Variants in NCKAP5L observed in about 807,000 individuals in gnomAD.
The protein encoded by NCKAP5L is nck-associated protein 5-like.
NCKAP5L carries 54 observed loss-of-function variants against 103.2 expected under a neutral mutation model. The ratio of observed to expected loss-of-function variants is 0.52; its 90% CI spans 0.42 to 0.66. NCKAP5L has a LOEUF of 0.66. NCKAP5L is among the 30% of genes least tolerant of loss of function. The pLI, the probability that NCKAP5L is intolerant of heterozygous loss-of-function variation, is 0.00. For synonymous variants in NCKAP5L, 762 were observed against 748.6 expected, an observed-to-expected ratio of 1.02 and a Z score of -0.29; for missense variants, 1,733 against 1,750.6, an observed-to-expected ratio of 0.99 and a Z score of 0.18.
chr12:49,827,736 G>A (rs946449855), intron 1 of NCKAP5L, among the ~76,000 whole-genome samples: 4 of 152,294 alleles, frequency 2.6e-5, no homozygotes, highest in South Asian at 2.1e-4. Context: ...CCTTCCCGCA[G>A]CCCCTCAAAG....
chr12:49,803,854 G>A, intron 3 of NCKAP5L, 68 bp downstream of exon 3: 3 of 1,551,548 alleles, frequency 1.9e-6, no homozygotes, highest in Non-Finnish European at 2.6e-6. Context: ...AAGCTCAGAG[G>A]GAGGGGCAGC....
intron 1 of NCKAP5L, among the ~76,000 whole-genome samples, chr12:49,811,757 AGAGG>A (rs1236851339): frequency 1.3e-5 from 2 of 152,142 alleles, no homozygotes; most frequent in African/African-American, 4.8e-5. Flanking sequence ...TGGGCGACAA[AGAGG>A]GACCCTTTTT....
At chr12:49,827,020 G>A (rs561427293) in intron 1 of NCKAP5L, among the ~76,000 whole-genome samples, 2 of 152,298 alleles carry the variant, frequency 1.3e-5, no homozygotes, top group Admixed American at 6.5e-5. Context: ...CTAATCCCAG[G>A]TTGTTTTTAG....
intron 1 of NCKAP5L, among the ~76,000 whole-genome samples, chr12:49,820,237 C>T (rs1946345771): frequency 2.0e-5 from 3 of 151,956 alleles, no homozygotes; most frequent in Admixed American, 2.0e-4. Context: ...TGGGAGGCTG[C>T]ACCTGCACGG....
intron 1 of NCKAP5L, among the ~76,000 whole-genome samples, chr12:49,824,349 C>G (rs1021132615): frequency 1.3e-5 from 2 of 152,202 alleles, no homozygotes; most frequent in African/African-American, 2.4e-5. Flanking sequence ...TGGGGAGCAC[C>G]TTACAGCCAG....
chr12:49,796,204 C>G lies in NCKAP5L; in HGVS notation c.1656G>C (p.Val552=). ...CCAGAATGTTCTCATAGCAGGGAGA[C>G]ACCACTGGGCCTGGGGACAGCGTGG... ...LSTTLSPGPV[V]SPCYENILDL... Residue 552 remains valine, a synonymous_variant, in exon 8 of 13, where the codon GTG becomes GTC. Coordinates refer to ENST00000335999, the MANE Select transcript of NCKAP5L (RefSeq NM_001037806.4). The G allele has an allele frequency of 1.3e-6, 2 of 1,597,818 alleles. No individual in the cohort carries two copies. The highest frequency in any genetic ancestry group is 2.7e-5 in the African/African-American group (2 of 74,744).
At position 49,797,509 on chromosome 12, in the gene NCKAP5L, G is replaced by T; in HGVS notation, c.466-115C>A. 1.3e-6 allele frequency: 1 copy of T among 756,144 alleles called. No homozygotes were observed. Among genetic ancestry groups the T allele is most frequent in the Non-Finnish European group, 2.1e-6 (1 of 474,338 alleles). 46.8% of individuals were successfully genotyped at this position (756,144 alleles called of 1,614,324 possible). ...TGCCAGGAACAGAGCTGGCCTGGTT[G>T]TGTCTGTGTCCCCAAAAGGAATTAA... On this transcript the variant is annotated intron_variant, in intron 7 of 12. Transcript: ENST00000335999. This position sits in a 1 kb window ranked among gnomAD's most constrained non-coding sequence, Gnocchi z 4.5.
rs557911716 is a variant in NCKAP5L at position 49,803,828 on chromosome 12, C to T, written c.123+94G>A. The T allele has an allele frequency of 1.7e-5, 26 of 1,496,346 alleles. No homozygotes were observed. In the Admixed American group the frequency reaches 4.7e-4, roughly 27 times the overall value. 92.7% of individuals were successfully genotyped at this position (1,496,346 alleles called of 1,614,324 possible). On this transcript the variant is annotated intron_variant, in intron 3 of 12. Coordinates refer to ENST00000335999, the MANE Select transcript of NCKAP5L (RefSeq NM_001037806.4). ...CAGGCCGAGAGGAAGGCCCATGGCA[C>T]CCAAAAACCTGCAGGAAGCTCAGAG...
chr12:49,823,161 C>T (rs1718330645), intron 1 of NCKAP5L, among the ~76,000 whole-genome samples: 1 of 152,114 alleles, frequency 6.6e-6, no homozygotes, highest in African/African-American at 2.4e-5. Flanking sequence ...TGGTCAGGGG[C>T]ACTTCCACCT....
intron 1 of NCKAP5L, among the ~76,000 whole-genome samples, chr12:49,819,027 T>C (rs1267262116): frequency 1.4e-5 from 2 of 138,814 alleles, no homozygotes; most frequent in East Asian, 2.2e-4. Flanking sequence ...CAAGACCTTG[T>C]ATTTAAAAAA....
At position 49,796,111 on chromosome 12, in the gene NCKAP5L, G is replaced by A. The variant is rs201644106; in HGVS notation, c.1749C>T (p.Thr583=). The part of the protein sequence containing the change: ...EPPPSPLQVP[T]YPQLTLEVPQ... ...GTACCTCCAGAGTTAGCTGTGGGTA[G>A]GTGGGCACCTGCAGTGGGGATGGAG... The change falls in exon 8 of 13, where the codon ACC becomes ACT. Residue 583 remains threonine (T), a synonymous_variant. Coordinates refer to ENST00000335999, the MANE Select transcript of NCKAP5L (RefSeq NM_001037806.4). 2 of 1,610,352 alleles carry A rather than the reference G, an allele frequency of 1.2e-6. No individual in the cohort carries two copies. The highest frequency in any genetic ancestry group is 1.3e-5 in the African/African-American group (1 of 75,020).
intron 1 of NCKAP5L, among the ~76,000 whole-genome samples, chr12:49,822,449 T>C (rs527721605): frequency 1.3e-5 from 2 of 152,154 alleles, no homozygotes; most frequent in South Asian, 4.1e-4. Flanking sequence ...AAAAAGAATA[T>C]ATATTTGTGT....
At chr12:49,803,892 C>T (rs1946149780) in intron 3 of NCKAP5L, 30 bp downstream of exon 3, 5 of 1,598,778 alleles carry the variant, frequency 3.1e-6, no homozygotes, top group Non-Finnish European at 4.2e-6. Flanking sequence ...CTGGCTGGCA[C>T]TGCTGCCCCT....
chr12:49,793,482 C>A, intron 9 of NCKAP5L, 49 bp from the exon 10 acceptor site: 1 of 1,568,858 alleles, frequency 6.4e-7, no homozygotes, highest in Non-Finnish European at 8.7e-7. Context: ...CCCCTCCACA[C>A]CCCTCCCCAT....
intron 5 of NCKAP5L, chr12:49,802,244 C>T (rs147938899): frequency 1.1e-4 from 35 of 325,818 alleles, no homozygotes; most frequent in African/African-American, 4.7e-4. Flanking sequence ...ATCGACCCCC[C>T]GCCTCTTTTT....
chr12:49,793,053 T>C, intron 10 of NCKAP5L, 67 bp from the exon 11 acceptor site: 1 of 1,260,148 alleles, frequency 7.9e-7, no homozygotes, highest in Non-Finnish European at 1.1e-6. Context: ...CTGCCTCCAC[T>C]TCCCGCCCAG....
At chr12:49,823,378 G>T (rs1946382538) in intron 1 of NCKAP5L, among the ~76,000 whole-genome samples, 2 of 152,142 alleles carry the variant, frequency 1.3e-5, no homozygotes, top group African/African-American at 2.4e-5. Flanking sequence ...AGCTGGGAGT[G>T]AGGTAAATCA....
In NCKAP5L at chr12:49,796,119, C is replaced by T. The variant is rs1454783102; in HGVS notation, c.1741G>A (p.Val581Met). The change falls in exon 8 of 13, where the codon GTG becomes ATG. Residue 581 changes from valine (V) to methionine (M), a missense_variant. Val to Met is a conservative substitution (Grantham distance 21). Transcript: ENST00000335999. ...SPEPPPSPLQ[V>M]PTYPQLTLEV... ...AGAGTTAGCTGTGGGTAGGTGGGCA[C>T]CTGCAGTGGGGATGGAGGTGGCTCT... 4 of 1,610,660 alleles carry T rather than the reference C, an allele frequency of 2.5e-6. No homozygotes were observed. The highest frequency in any genetic ancestry group is 2.5e-6 in the Non-Finnish European group (3 of 1,178,746).
chr12:49,803,251 G>T, intron 3 of NCKAP5L, 86 bp from the exon 4 acceptor site: 2 of 1,319,656 alleles, frequency 1.5e-6, no homozygotes, highest in East Asian at 2.3e-5. Context: ...GGAAAGGGGA[G>T]GCAACTACAG....
Sources: gnomAD v4.1 joint callset for allele counts (sites outside exome capture counted in the v4.1 genomes callset) on GRCh38, gnomAD v4.1.1 for gene constraint, Gnocchi (gnomAD v3.1) non-coding constraint, MANE v1.5 for transcripts, NCBI Gene and HGNC (gene_info 2026-07-23, HGNC 2026-07-21) for gene names.